Variants in FBXL17 observed in about 807,000 individuals in gnomAD.
FBXL17 encodes the protein F-box and leucine rich repeat protein 17, also known as F-box/LRR-repeat protein 17.
In FBXL17, 22 loss-of-function variants were observed where a neutral mutation model predicts 66.2. That is an observed-to-expected ratio of 0.33 (90% CI 0.24 to 0.47). FBXL17 has a LOEUF of 0.47. Among genes scored for constraint, FBXL17 ranks in the 20% least tolerant of loss-of-function variants. The pLI, the probability that FBXL17 is intolerant of heterozygous loss-of-function variation, is 1.00. For synonymous variants in FBXL17, 474 were observed against 400.5 expected (o/e 1.18, Z -2.19); for missense variants, 878 against 948.2 (o/e 0.93, Z 0.97).
At chr5:108,131,202 G>A (rs939087450) in intron 6 of FBXL17, among the ~76,000 whole-genome samples, 1 of 152,012 alleles carries the variant, frequency 6.6e-6, no homozygotes, top group East Asian at 1.9e-4. Context: ...ACATTAAAAG[G>A]CTCCTTGAGC....
chr5:108,320,006 C>CTAT (rs1449562439), intron 4 of FBXL17, among the ~76,000 whole-genome samples: 1 of 151,748 alleles, frequency 6.6e-6, no homozygotes, highest in Non-Finnish European at 1.5e-5. Flanking sequence ...TTAAACAAAT[C>CTAT]TATTCTCTTA....
At chr5:107,874,262 T>C (rs998448198) in intron 8 of FBXL17, among the ~76,000 whole-genome samples, 2 of 152,228 alleles carry the variant, frequency 1.3e-5, no homozygotes, top group Non-Finnish European at 2.9e-5. Context: ...AGCTTGTGAA[T>C]TTATATTCAT....
At chr5:108,217,997 A>G (rs1425586144) in intron 5 of FBXL17, among the ~76,000 whole-genome samples, 1 of 149,138 alleles carries the variant, frequency 6.7e-6, no homozygotes, top group Non-Finnish European at 1.5e-5. Flanking sequence ...TGTATATACC[A>G]TATTTTCTAA....
chr5:107,992,841 T>C (rs944055365), intron 7 of FBXL17, among the ~76,000 whole-genome samples: 4 of 152,162 alleles, frequency 2.6e-5, no homozygotes, highest in Non-Finnish European at 5.9e-5. Flanking sequence ...ATCATTTTGG[T>C]GGTTCATTTA....
chr5:108,344,184 G>T (rs548894761), intron 4 of FBXL17, among the ~76,000 whole-genome samples: 8 of 152,104 alleles, frequency 5.3e-5, no homozygotes, highest in African/African-American at 1.7e-4. Flanking sequence ...AGGGGGTCGG[G>T]GGGGAAAGCC....
At chr5:108,294,177 A>T (rs1171814881) in intron 4 of FBXL17, among the ~76,000 whole-genome samples, 1 of 149,410 alleles carries the variant, frequency 6.7e-6, no homozygotes, top group Non-Finnish European at 1.5e-5. Flanking sequence ...ATTCAAAGAA[A>T]GAAAACTACA....
At chr5:108,307,646 T>C (rs1229552536) in intron 4 of FBXL17, among the ~76,000 whole-genome samples, 1 of 152,050 alleles carries the variant, frequency 6.6e-6, no homozygotes, top group Non-Finnish European at 1.5e-5. Flanking sequence ...ATCTCTGATT[T>C]TGTTTAACAT....
At chr5:107,987,833 C>T (rs922448865) in intron 7 of FBXL17, among the ~76,000 whole-genome samples, 5 of 151,966 alleles carry the variant, frequency 3.3e-5, no homozygotes, top group Non-Finnish European at 7.4e-5. Flanking sequence ...ACAATGAATA[C>T]ATCTATACCA....
At chr5:108,094,945 T>C (rs1056975369) in intron 6 of FBXL17, among the ~76,000 whole-genome samples, 82 of 152,000 alleles carry the variant, frequency 5.4e-4, no homozygotes, top group Non-Finnish European at 1.3e-4. Flanking sequence ...CTATTTCTTA[T>C]GCATTTTATC....
chr5:108,129,567 A>G (rs982717261), intron 6 of FBXL17, among the ~76,000 whole-genome samples: 1 of 152,022 alleles, frequency 6.6e-6, no homozygotes, highest in African/African-American at 2.4e-5. Context: ...TACAGTGAAA[A>G]CGAGTCAAAA....
intron 6 of FBXL17, among the ~76,000 whole-genome samples, chr5:108,085,355 C>T (rs768366467): frequency 2.6e-5 from 4 of 152,180 alleles, no homozygotes; most frequent in Non-Finnish European, 5.9e-5. Flanking sequence ...TTCCAAAAAT[C>T]CATTTCACAT....
chr5:108,262,351 A>T (rs1460269234), intron 4 of FBXL17, among the ~76,000 whole-genome samples: 1 of 152,060 alleles, frequency 6.6e-6, no homozygotes. Flanking sequence ...ATAAATATAT[A>T]TTTTTAAAGT....
chr5:108,033,369 T>C (rs1746714221), intron 6 of FBXL17, among the ~76,000 whole-genome samples: 1 of 152,174 alleles, frequency 6.6e-6, no homozygotes, highest in Non-Finnish European at 1.5e-5. Flanking sequence ...TTTTACTCAC[T>C]GTGAAATTTG....
intron 6 of FBXL17, among the ~76,000 whole-genome samples, chr5:108,096,988 A>G (rs755852614): frequency 6.6e-6 from 1 of 152,208 alleles, no homozygotes; most frequent in Non-Finnish European, 1.5e-5. Context: ...AAGGTTATAC[A>G]TATATTAATA....
intron 8 of FBXL17, among the ~76,000 whole-genome samples, chr5:107,869,378 C>T (rs186582588): frequency 2.9e-4 from 44 of 152,240 alleles, no homozygotes; most frequent in African/African-American, 1.1e-3. Context: ...CCTTAATGTG[C>T]TTTCAGCTGG....
At chr5:108,249,734 G>T (rs780328069) in intron 4 of FBXL17, among the ~76,000 whole-genome samples, 17 of 152,064 alleles carry the variant, frequency 1.1e-4, no homozygotes, top group Non-Finnish European at 1.8e-4. Flanking sequence ...ACAGAGCTGA[G>T]AACTACAAAA....
chr5:107,925,854 A>C (rs1031079605), intron 7 of FBXL17, among the ~76,000 whole-genome samples: 4 of 152,322 alleles, frequency 2.6e-5, no homozygotes, highest in Middle Eastern at 3.4e-3. Flanking sequence ...ATTACAAACT[A>C]AAGTAATCAA....
intron 7 of FBXL17, among the ~76,000 whole-genome samples, chr5:107,907,740 A>G (rs1192541946): frequency 6.6e-6 from 1 of 152,186 alleles, no homozygotes; most frequent in Admixed American, 6.5e-5. Context: ...CAAAACCACA[A>G]TAAGATACCA....
chr5:107,923,962 G>C (rs964606726), intron 7 of FBXL17, among the ~76,000 whole-genome samples: 1 of 151,940 alleles, frequency 6.6e-6, no homozygotes, highest in Non-Finnish European at 1.5e-5. Flanking sequence ...AACTAAACTG[G>C]ATGAAGTGAT....
Sources: gnomAD v4.1 joint callset for allele counts (sites outside exome capture counted in the v4.1 genomes callset) on GRCh38, gnomAD v4.1.1 for gene constraint, MANE v1.5 for transcripts, NCBI Gene and HGNC (gene_info 2026-07-23, HGNC 2026-07-21) for gene names.